PRELID2: variants seen among roughly 807,000 people sequenced by gnomAD.
PRELID2 encodes PRELI domain containing 2.
Under a neutral mutation model 28.4 loss-of-function variants are expected in PRELID2, and 25 were observed. The observed-to-expected ratio is 0.88, with a 90% CI of 0.64 to 1.23. The LOEUF (loss-of-function observed/expected upper bound fraction) is 1.23. Ranked by LOEUF, PRELID2 falls within the 50% of genes most tolerant of loss-of-function variation. The probability of loss-of-function intolerance (pLI) is 0.00; values close to 1 mark genes in which losing one functional copy is unlikely to be tolerated. For missense variants in PRELID2, 201 were observed against 214.4 expected, an observed-to-expected ratio of 0.94 and a Z score of 0.39; for synonymous variants, 76 against 71.6, an observed-to-expected ratio of 1.06 and a Z score of -0.31.
chr5:145,254,360 A>C, the PRELID2 span, among the ~76,000 whole-genome samples: 1 of 152,136 alleles, frequency 6.6e-6, no homozygotes, highest in Non-Finnish European at 1.5e-5. Context: ...GGGATTTAAA[A>C]AAACAAAACT....
intron 4 of PRELID2, among the ~76,000 whole-genome samples, chr5:145,809,036 CTTTTTTTTTT>C (rs372516210): frequency 9.4e-6 from 1 of 105,832 alleles, no homozygotes; most frequent in Non-Finnish European, 2.0e-5. Flanking sequence ...TTTTTTTTTG[CTTTTTTTTTT>C]TTTTTTTTTT....
chr5:145,748,407 T>A (rs1329975103), intron 1 of PRELID2, among the ~76,000 whole-genome samples: 1 of 151,952 alleles, frequency 6.6e-6, no homozygotes, highest in Non-Finnish European at 1.5e-5. Flanking sequence ...CCTAGGAATA[T>A]AGCTAACAAG....
chr5:145,472,589 C>A (rs1009873467), intron 2 of PRELID2, among the ~76,000 whole-genome samples: 1 of 152,140 alleles, frequency 6.6e-6, no homozygotes, highest in Non-Finnish European at 1.5e-5. Flanking sequence ...GGAATAGCCC[C>A]CAGCCCTTTA....
intron 1 of PRELID2, among the ~76,000 whole-genome samples, chr5:145,688,251 C>A (rs1245020599): frequency 1.3e-5 from 2 of 152,178 alleles, no homozygotes; most frequent in African/African-American, 4.8e-5. Flanking sequence ...TTGTTTGTTG[C>A]CCTCCAGTCT....
intron 2 of PRELID2, among the ~76,000 whole-genome samples, chr5:145,821,152 G>GGTGGGTGTGTGTGTGTGTGTGTGTATGT (rs1554100260): frequency 2.3e-5 from 2 of 88,192 alleles, no homozygotes; most frequent in African/African-American, 8.0e-5. Context: ...AACTCTCCTG[G>GGTGGGTGTGTGTGTGTGTGTGTGTATGT]GTGTGTGTGT....
At chr5:145,617,517 C>T (rs966226233) in intron 1 of PRELID2, among the ~76,000 whole-genome samples, 1 of 152,276 alleles carries the variant, frequency 6.6e-6, no homozygotes. Flanking sequence ...GGTCATTTAT[C>T]GTAATACCAG....
the PRELID2 span, among the ~76,000 whole-genome samples, chr5:145,249,918 C>CCA: frequency 7.2e-6 from 1 of 139,770 alleles, no homozygotes; most frequent in East Asian, 2.1e-4. Context: ...CATGCCTCTC[C>CCA]CTCTCTCTCT....
chr5:145,681,903 A>C (rs1258984296), intron 1 of PRELID2, among the ~76,000 whole-genome samples: 2 of 152,242 alleles, frequency 1.3e-5, no homozygotes, highest in African/African-American at 2.4e-5. Context: ...CTCATGCCAA[A>C]TTAGAAATGG....
chr5:145,602,323 T>C (rs1024166280), intron 1 of PRELID2, among the ~76,000 whole-genome samples: 2 of 152,216 alleles, frequency 1.3e-5, no homozygotes, highest in Non-Finnish European at 2.9e-5. Flanking sequence ...GAATTAATGC[T>C]AAAAGTAACA....
chr5:145,566,770 G>A (rs1003944589), intron 1 of PRELID2, among the ~76,000 whole-genome samples: 9 of 151,078 alleles, frequency 6.0e-5, no homozygotes, highest in Admixed American at 6.6e-5. Context: ...AACCTGGGAG[G>A]CGGAGGTTGC....
chr5:145,368,590 C>T, the PRELID2 span, among the ~76,000 whole-genome samples: 2 of 151,884 alleles, frequency 1.3e-5, no homozygotes, highest in Non-Finnish European at 2.9e-5. Context: ...TCTCTCATGG[C>T]CTTTACACAT....
chr5:145,280,105 A>G, the PRELID2 span, among the ~76,000 whole-genome samples: 10 of 152,276 alleles, frequency 6.6e-5, no homozygotes, highest in East Asian at 1.9e-3. Context: ...ACTTCTTAGC[A>G]ATTGGCTATC....
intron 1 of PRELID2, among the ~76,000 whole-genome samples, chr5:145,589,116 C>A (rs994896100): frequency 6.6e-6 from 1 of 152,090 alleles, no homozygotes; most frequent in Admixed American, 6.6e-5. Context: ...ACCTACTGCA[C>A]AAACAGTTTA....
chr5:145,431,054 T>C, the PRELID2 span, among the ~76,000 whole-genome samples: 2 of 149,502 alleles, frequency 1.3e-5, no homozygotes, highest in African/African-American at 2.5e-5. Flanking sequence ...TATAACATTT[T>C]GTCAGAGTTG....
At chr5:145,827,096 A>T (rs1173770690) in intron 1 of PRELID2, among the ~76,000 whole-genome samples, 1 of 152,234 alleles carries the variant, frequency 6.6e-6, no homozygotes, top group Non-Finnish European at 1.5e-5. Context: ...AAGAAGGCAA[A>T]GAAGACCTAC....
chr5:145,318,179 A>G, the PRELID2 span, among the ~76,000 whole-genome samples: 2 of 152,162 alleles, frequency 1.3e-5, no homozygotes, highest in Non-Finnish European at 2.9e-5. Flanking sequence ...CAGTGTTTCT[A>G]CAAAGCATTA....
In PRELID2 at chr5:145,824,220, G is replaced by A. The variant is rs79355297; in HGVS notation, c.76-1086C>T. Among the ~76,000 whole-genome samples the A allele has an allele frequency of 7.0e-4, 107 of 152,168 alleles. 1 individual carries two copies. In the East Asian group the frequency reaches 0.016, roughly 23 times the overall value. ...ACTCTCTTCCCTGAGGTTTACCGAC[G>A]TATCATGTGATCAAATCTGAAAAGA... On this transcript the variant is annotated intron_variant, in intron 1 of 6. Transcript: ENST00000683046.
rs1215381849 is a variant in PRELID2 at position 145,528,722 on chromosome 5, CACACAGAG to C, written n.71-55415_71-55408del. Among the ~76,000 whole-genome samples, 892 of 128,872 alleles carry C rather than the reference CACACAGAG, an allele frequency of 6.9e-3. 4 individuals carry two copies. Among genetic ancestry groups the C allele is most frequent in the African/African-American group, 0.023 (766 of 33,100 alleles). The allele number at this position is 128,872 out of a possible 152,430, so 84.5% of individuals were successfully genotyped here. ...ACACACACACACACACACACACACACACACAGAGAGAGAGAGAGAGAGAGAGAGAGTAA... is the reference window on the plus strand; with the variant it reads ...ACACACACACACACACACACACACACAGAGAGAGAGAGAGAGAGAGAGTAA... On this transcript the variant is annotated intron_variant and non_coding_transcript_variant, in intron 1 of 2. Transcript: ENST00000510259.
chr5:145,637,342 C>A (rs1468039090), intron 1 of PRELID2, among the ~76,000 whole-genome samples: 3 of 152,152 alleles, frequency 2.0e-5, no homozygotes, highest in African/African-American at 7.2e-5. Flanking sequence ...AGCCATTCGT[C>A]CAGTGCCCCA....
Sources: gnomAD v4.1 joint callset for allele counts (sites outside exome capture counted in the v4.1 genomes callset) on GRCh38, gnomAD v4.1.1 for gene constraint, MANE v1.5 for transcripts, NCBI Gene and HGNC (gene_info 2026-07-23, HGNC 2026-07-21) for gene names.